Variants in NBEA observed in about 807,000 individuals in gnomAD.
NBEA encodes the protein lysosomal-trafficking regulator 2.
In NBEA, 44 loss-of-function variants were observed where a neutral mutation model predicts 343.4. The observed-to-expected ratio is 0.13, with a 90% CI of 0.10 to 0.16. The LOEUF is 0.16. Among genes scored for constraint, NBEA ranks in the 10% least tolerant of loss-of-function variants. The probability of loss-of-function intolerance (pLI) is 1.00; values close to 1 mark genes in which losing one functional copy is unlikely to be tolerated. For synonymous variants in NBEA, 1,175 were observed against 1,238.7 expected (o/e 0.95, Z 1.08); for missense variants, 2,555 against 3,631.3 (o/e 0.70, Z 7.62).
chr13:35,599,659 T>C (rs1206170636), intron 47 of NBEA, among the ~76,000 whole-genome samples: 1 of 152,204 alleles, frequency 6.6e-6, no homozygotes, highest in African/African-American at 2.4e-5. Flanking sequence ...CCTTGTCACG[T>C]TCTGTGTGTT....
chr13:35,355,664 A>G (rs909686584), intron 38 of NBEA, among the ~76,000 whole-genome samples: 5 of 151,224 alleles, frequency 3.3e-5, no homozygotes, highest in East Asian at 1.9e-4. Flanking sequence ...TAACTCTTCA[A>G]CCTCCTCTGC....
At chr13:35,392,475 GT>G (rs1254303170) in intron 38 of NBEA, among the ~76,000 whole-genome samples, 2 of 133,144 alleles carry the variant, frequency 1.5e-5, no homozygotes, top group East Asian at 2.6e-4. Context: ...GTGTGGTTTT[GT>G]TTTTTTTGTT....
chr13:35,272,856 A>T (rs1026079301), intron 34 of NBEA, among the ~76,000 whole-genome samples: 2 of 152,200 alleles, frequency 1.3e-5, no homozygotes, highest in Admixed American at 1.3e-4. Context: ...TCATAAAACA[A>T]GTTCTTAGAG....
intron 26 of NBEA, among the ~76,000 whole-genome samples, chr13:35,172,789 A>G (rs138345282): frequency 1.1e-3 from 169 of 152,270 alleles, no homozygotes; most frequent in Admixed American, 2.6e-3. Context: ...TTAAGCAGCT[A>G]GCCTAAAACC....
chr13:35,384,250 G>A (rs2042137427), intron 38 of NBEA, among the ~76,000 whole-genome samples: 1 of 152,104 alleles, frequency 6.6e-6, no homozygotes, highest in Non-Finnish European at 1.5e-5. Flanking sequence ...GTTCTAAAGA[G>A]TATTTACTTA....
intron 10 of NBEA, among the ~76,000 whole-genome samples, chr13:35,094,703 G>T (rs9315330): frequency 0.29 from 44,351 of 151,832 alleles, 7,663 homozygotes; most frequent in Middle Eastern, 0.51. Flanking sequence ...GTTTTGTAGT[G>T]AGAGAAATAC....
intron 1 of NBEA, among the ~76,000 whole-genome samples, chr13:35,010,469 T>C (rs1405216216): frequency 6.7e-6 from 1 of 150,058 alleles, no homozygotes; most frequent in African/African-American, 2.5e-5. Context: ...TAGTCCCAGC[T>C]ACTTGGGAGG....
rs2034539244 is a variant in NBEA, at chr13:35,275,774, T to C, written c.5777-14615T>C. 3.3e-5 allele frequency among the ~76,000 whole-genome samples: 5 copies of C among 152,194 alleles called. No homozygotes were observed. In the South Asian group the frequency reaches 1.0e-3, roughly 32 times the overall value. ...AAAAAATGCTCATCATCACTGGCCA[T>C]CAGAGATATGCAAATCAAAACCACA... On this transcript the variant is annotated intron_variant, in intron 34 of 58. Coordinates refer to ENST00000379939, the MANE Select transcript of NBEA (RefSeq NM_001385012.1).
intron 10 of NBEA, among the ~76,000 whole-genome samples, chr13:35,075,879 C>A (rs2064091676): frequency 6.6e-6 from 1 of 151,906 alleles, no homozygotes; most frequent in Non-Finnish European, 1.5e-5. Flanking sequence ...TCCTCATACA[C>A]TTAGAAGTGA....
intron 38 of NBEA, among the ~76,000 whole-genome samples, chr13:35,352,987 A>G (rs958074907): frequency 1.3e-5 from 2 of 152,132 alleles, no homozygotes; most frequent in African/African-American, 2.4e-5. Flanking sequence ...AGGTCACTAT[A>G]TTTAGATTGC....
At chr13:35,294,795 A>C (rs2036014619) in intron 35 of NBEA, among the ~76,000 whole-genome samples, 1 of 152,162 alleles carries the variant, frequency 6.6e-6, no homozygotes, top group Non-Finnish European at 1.5e-5. Flanking sequence ...ATGTACCAAC[A>C]ATAAGATTGT....
chr13:35,415,415 A>G (rs1364910562), intron 38 of NBEA, among the ~76,000 whole-genome samples: 4 of 151,976 alleles, frequency 2.6e-5, no homozygotes, highest in Non-Finnish European at 5.9e-5. Context: ...TTTGTATAAG[A>G]TGTGAGGAAG....
At chr13:34,976,660 T>G (rs1037445017) in intron 1 of NBEA, among the ~76,000 whole-genome samples, 3 of 150,602 alleles carry the variant, frequency 2.0e-5, no homozygotes, top group Non-Finnish European at 3.0e-5. Context: ...TTTTGTTTTT[T>G]TTTTTTTTTC....
chr13:35,002,433 A>G (rs2061172552), intron 1 of NBEA, among the ~76,000 whole-genome samples: 1 of 152,184 alleles, frequency 6.6e-6, no homozygotes, highest in African/African-American at 2.4e-5. Flanking sequence ...AGTACTGGAG[A>G]TGAGGCTATG....
At position 34,943,964 on chromosome 13, in the gene NBEA, C is replaced by T. The variant is rs902626786; in HGVS notation, c.294+850C>T. Among the ~76,000 whole-genome samples the T allele has an allele frequency of 2.5e-4, 38 of 152,110 alleles. 1 individual carries two copies. The highest frequency in any genetic ancestry group is 2.2e-3 in the Admixed American group (34 of 15,286). ...CGCTATCTACAGAGAGGCTCAGAAG[C>T]GTTTAAGATGTCAGGGAAAGAAATG... On this transcript the variant is annotated intron_variant, in intron 1 of 58. Transcript: ENST00000379939.
chr13:35,406,514 C>A (rs1255583091), intron 38 of NBEA, among the ~76,000 whole-genome samples: 2 of 152,110 alleles, frequency 1.3e-5, no homozygotes, highest in African/African-American at 2.4e-5. Context: ...CCTTTGCATC[C>A]TCATAGCTCG....
At chr13:35,094,986 G>A (rs182451668) in intron 10 of NBEA, among the ~76,000 whole-genome samples, 2 of 151,820 alleles carry the variant, frequency 1.3e-5, no homozygotes, top group Non-Finnish European at 2.9e-5. Context: ...ATAAAAAGGT[G>A]TTTATTTAAA....
chr13:35,146,469 A>G (rs2068432577), intron 18 of NBEA, among the ~76,000 whole-genome samples: 1 of 152,064 alleles, frequency 6.6e-6, no homozygotes, highest in Non-Finnish European at 1.5e-5. Flanking sequence ...GCCGCCAGGA[A>G]CGTTGGGTCC....
intron 10 of NBEA, among the ~76,000 whole-genome samples, chr13:35,086,340 T>G (rs540327737): frequency 1.3e-5 from 2 of 152,142 alleles, no homozygotes; most frequent in East Asian, 3.9e-4. Context: ...GTGCCCTACA[T>G]TGTTGCAAAC....
Sources: allele counts gnomAD v4.1 joint callset (sites outside exome capture counted in the v4.1 genomes callset), GRCh38; gene constraint gnomAD v4.1.1; transcripts MANE v1.5; gene names NCBI Gene and HGNC (gene_info 2026-07-23, HGNC 2026-07-21).